NLK: variants seen among roughly 807,000 people sequenced by gnomAD.
The protein encoded by NLK is serine/threonine-protein kinase NLK.
NLK carries 11 observed loss-of-function variants against 59.0 expected under a neutral mutation model. The ratio of observed to expected loss-of-function variants is 0.19; its 90% confidence interval spans 0.12 to 0.31. The LOEUF (loss-of-function observed/expected upper bound fraction) is 0.31. Ranked by LOEUF, NLK falls within the 10% of genes least tolerant of loss-of-function variation. The pLI is 1.00. For missense variants in NLK, 410 were observed against 661.1 expected (o/e 0.62, Z 4.16); for synonymous variants, 235 against 235.9 (o/e 1.00, Z 0.03).
intron 1 of NLK, among the ~76,000 whole-genome samples, chr17:28,103,317 A>G (rs1904965920): frequency 1.3e-5 from 2 of 152,320 alleles, no homozygotes; most frequent in South Asian, 4.1e-4. Context: ...TTTTACCATG[A>G]TTTAAAATCT....
intron 5 of NLK, among the ~76,000 whole-genome samples, chr17:28,165,906 A>G (rs931814019): frequency 2.0e-5 from 3 of 152,136 alleles, no homozygotes; most frequent in Non-Finnish European, 2.9e-5. Flanking sequence ...GCCAAGTAAT[A>G]GAGTTTTTAA....
chr17:28,175,403 A>G (rs1908639756), intron 7 of NLK, among the ~76,000 whole-genome samples: 1 of 151,858 alleles, frequency 6.6e-6, no homozygotes, highest in South Asian at 2.1e-4. Context: ...GTGAGCCGAG[A>G]TCACGCCACT....
At chr17:28,118,497 G>A (rs1210901750) in intron 1 of NLK, among the ~76,000 whole-genome samples, 7 of 152,186 alleles carry the variant, frequency 4.6e-5, no homozygotes. Flanking sequence ...TTGCTGACTA[G>A]TTTAAAGATG....
chr17:28,093,906 TG>T lies in NLK; in HGVS notation c.459-28696del, dbSNP rs914526666. On this transcript the variant is annotated intron_variant, in intron 1 of 10. Transcript: ENST00000407008. ...ATGAACATTGTGTCAGGACTTATTC[TG>T]TTGTCAGACTGCCTTAGGATATGAT... Among the ~76,000 whole-genome samples the T allele has an allele frequency of 4.7e-4, 71 of 152,354 alleles. 1 individual carries two copies. The highest frequency in any genetic ancestry group is 1.6e-3 in the African/African-American group (68 of 41,582).
At chr17:28,063,349 G>C (rs868145376) in intron 1 of NLK, among the ~76,000 whole-genome samples, 11 of 152,090 alleles carry the variant, frequency 7.2e-5, no homozygotes, top group Middle Eastern at 3.4e-3. Flanking sequence ...TCTCAATGTT[G>C]GATACTTCAG....
At chr17:28,062,070 A>C (rs996904194) in intron 1 of NLK, 3 of 151,720 alleles carry the variant, frequency 2.0e-5, no homozygotes, top group African/African-American at 7.3e-5. Flanking sequence ...GACACTTAAA[A>C]AAATGCCATG....
intron 1 of NLK, among the ~76,000 whole-genome samples, chr17:28,062,286 C>T (rs1185896143): frequency 6.6e-6 from 1 of 152,052 alleles, no homozygotes; most frequent in Admixed American, 6.6e-5. Flanking sequence ...CAAAAGAGTT[C>T]TGTGTCTAAT....
intron 3 of NLK, among the ~76,000 whole-genome samples, chr17:28,141,939 A>G (rs983633699): frequency 6.6e-6 from 1 of 152,200 alleles, no homozygotes; most frequent in Non-Finnish European, 1.5e-5. Context: ...GGGTTTATGT[A>G]CATATGCATT....
In NLK at chr17:28,099,568, C is replaced by CTT. The variant is rs945214545; in HGVS notation, c.459-23015_459-23014dup. 1.4e-3 allele frequency among the ~76,000 whole-genome samples: 167 copies of CTT among 122,920 alleles called. 2 individuals are homozygous for CTT. The highest frequency in any genetic ancestry group is 1.8e-3 in the Non-Finnish European group (105 of 59,660). The allele number at this position is 122,920 out of a possible 152,430, so 80.6% of individuals were successfully genotyped here. ...ATTGTAAATAGTCTTTTGTGTTTGA[C>CTT]TTTTTTTTTTTTTTTTTTTTTGAGA... On this transcript the variant is annotated intron_variant, in intron 1 of 10. Coordinates refer to ENST00000407008, the MANE Select transcript of NLK (RefSeq NM_016231.5).
chr17:28,067,992 T>C (rs184574838), intron 1 of NLK, among the ~76,000 whole-genome samples: 1 of 151,874 alleles, frequency 6.6e-6, no homozygotes, highest in Admixed American at 6.6e-5. Context: ...AATACAAAAA[T>C]TAGCAGGGCA....
At chr17:28,097,343 T>C (rs1451619843) in intron 1 of NLK, among the ~76,000 whole-genome samples, 1 of 152,198 alleles carries the variant, frequency 6.6e-6, no homozygotes, top group Non-Finnish European at 1.5e-5. Flanking sequence ...GAGTTTCATT[T>C]CTTGTGTGGA....
chr17:28,051,409 G>C (rs1909251740), intron 1 of NLK, among the ~76,000 whole-genome samples: 1 of 151,312 alleles, frequency 6.6e-6, no homozygotes, highest in African/African-American at 2.4e-5. Flanking sequence ...CACCAGGCTG[G>C]AGTGCAGTGG....
At chr17:28,061,532 A>G (rs1482988275) in intron 1 of NLK, among the ~76,000 whole-genome samples, 1 of 152,126 alleles carries the variant, frequency 6.6e-6, no homozygotes, top group East Asian at 1.9e-4. Flanking sequence ...TGTCTTCTAA[A>G]TACCACAGAA....
chr17:28,068,364 A>G (rs1472528250), intron 1 of NLK, among the ~76,000 whole-genome samples: 1 of 152,020 alleles, frequency 6.6e-6, no homozygotes, highest in Non-Finnish European at 1.5e-5. Flanking sequence ...GGAAAGAGTA[A>G]AATAAGGAGT....
chr17:28,128,578 G>A (rs1906384116), intron 2 of NLK, among the ~76,000 whole-genome samples: 1 of 152,146 alleles, frequency 6.6e-6, no homozygotes, highest in South Asian at 2.1e-4. Context: ...TTATTCATCA[G>A]AGAAATGTAA....
At chr17:28,152,520 C>A (rs1025951075) in intron 3 of NLK, among the ~76,000 whole-genome samples, 9 of 152,188 alleles carry the variant, frequency 5.9e-5, no homozygotes, top group African/African-American at 1.7e-4. Context: ...TAGAATATAA[C>A]CTGTTCTTCG....
At chr17:28,096,533 TCTGTCAAC>T (rs1380991900) in intron 1 of NLK, among the ~76,000 whole-genome samples, 3 of 152,192 alleles carry the variant, frequency 2.0e-5, no homozygotes. Context: ...GGAGAAAATG[TCTGTCAAC>T]AATTTGCATT....
intron 3 of NLK, among the ~76,000 whole-genome samples, chr17:28,143,293 C>T (rs1384111286): frequency 6.6e-6 from 1 of 152,084 alleles, no homozygotes; most frequent in Non-Finnish European, 1.5e-5. Context: ...CCGCCCGCCT[C>T]GGCCTCCCAA....
At chr17:28,118,582 T>C (rs957115919) in intron 1 of NLK, among the ~76,000 whole-genome samples, 1 of 152,202 alleles carries the variant, frequency 6.6e-6, no homozygotes, top group East Asian at 1.9e-4. Flanking sequence ...ACAACTTTTC[T>C]GCTTGTCAGT....
Sources: allele counts gnomAD v4.1 joint callset (sites outside exome capture counted in the v4.1 genomes callset), GRCh38; gene constraint gnomAD v4.1.1; transcripts MANE v1.5; gene names NCBI Gene and HGNC (gene_info 2026-07-23, HGNC 2026-07-21).